Variants in ANTXR2 observed in about 807,000 individuals in gnomAD.
The protein encoded by ANTXR2 is anthrax toxin receptor 2.
In ANTXR2, 44 loss-of-function variants were observed where a neutral mutation model predicts 73.7. The ratio of observed to expected loss-of-function variants is 0.60; its 90% CI spans 0.47 to 0.77. ANTXR2 has a LOEUF of 0.77. Among genes scored for constraint, ANTXR2 ranks in the 30% least tolerant of loss-of-function variants. ANTXR2 has a pLI of 0.00. For synonymous variants in ANTXR2, 217 were observed against 205.9 expected, an observed-to-expected ratio of 1.05 and a Z score of -0.46; for missense variants, 604 against 592.5, an observed-to-expected ratio of 1.02 and a Z score of -0.20.
chr4:80,069,801 G>A (rs1052565403), intron 2 of ANTXR2, among the ~76,000 whole-genome samples: 13 of 152,140 alleles, frequency 8.5e-5, no homozygotes, highest in Non-Finnish European at 1.3e-4. Context: ...AAATTCTTTC[G>A]TAGAAAATTC....
intron 16 of ANTXR2, among the ~76,000 whole-genome samples, chr4:79,962,545 T>C (rs1006574190): frequency 1.3e-5 from 2 of 152,128 alleles, no homozygotes; most frequent in African/African-American, 4.8e-5. Context: ...AGAATCGCCC[T>C]AAAGAAACTA....
chr4:79,989,051 T>C (rs966443274), intron 12 of ANTXR2, among the ~76,000 whole-genome samples: 4 of 151,870 alleles, frequency 2.6e-5, no homozygotes, highest in Non-Finnish European at 5.9e-5. Context: ...GTTAGGAAGA[T>C]CTCAAATTAA....
rs1726856824 is a variant in ANTXR2 at position 79,905,207 on chromosome 4, A to C, written c.*2222T>G. ...TGCTACATAATTCTAGAGAAATTTG[A>C]AGTAGTTACCAAAGAAACATAGCCT... On this transcript the variant is annotated 3_prime_UTR_variant, in exon 17 of 17. Transcript: ENST00000403729. 1 of 152,180 alleles carries C rather than the reference A, an allele frequency of 6.6e-6. No homozygotes were observed. The highest frequency in any genetic ancestry group is 1.5e-5 in the Non-Finnish European group (1 of 68,030). The allele number at this position is 152,180 out of a possible 1,614,324, so 9.4% of individuals were successfully genotyped here. A position where few individuals can be genotyped will look rare whatever the true frequency, so the allele number is the denominator to read the frequency against.
intron 16 of ANTXR2, among the ~76,000 whole-genome samples, chr4:79,929,374 G>A (rs778855192): frequency 2.0e-5 from 3 of 152,042 alleles, no homozygotes; most frequent in Non-Finnish European, 4.4e-5. Flanking sequence ...TTAGCCGGGC[G>A]TGGTGGCAGA....
intron 16 of ANTXR2, among the ~76,000 whole-genome samples, chr4:79,909,034 C>T (rs1727025677): frequency 1.3e-5 from 2 of 152,056 alleles, no homozygotes; most frequent in Admixed American, 1.3e-4. Flanking sequence ...AGTAGTGCTT[C>T]TAAAACACAG....
At chr4:80,071,523 G>C in intron 2 of ANTXR2, 60 bp downstream of exon 2, 4 of 1,433,318 alleles carry the variant, frequency 2.8e-6, no homozygotes, top group Non-Finnish European at 3.9e-6. Context: ...TTCAGAAAAG[G>C]GAAATTCTAC....
At chr4:79,997,891 G>A (rs1730804120) in intron 12 of ANTXR2, among the ~76,000 whole-genome samples, 1 of 151,876 alleles carries the variant, frequency 6.6e-6, no homozygotes, top group Non-Finnish European at 1.5e-5. Context: ...ATGAAAGCAT[G>A]AAAGACCTAA....
rs1729711028 is a variant in ANTXR2 at position 79,977,988 on chromosome 4, A to G, written c.1347+19T>C. 1 of 1,559,728 alleles carries G rather than the reference A, an allele frequency of 6.4e-7. No individual in the cohort carries two copies. Reference sequence around the variant, plus strand: ...CTCCAGAAGTTTTGAGTTAAATTACACAAAATCTGGACACATACCTTAATT... The same window carrying G: ...CTCCAGAAGTTTTGAGTTAAATTACGCAAAATCTGGACACATACCTTAATT... On this transcript the variant is annotated intron_variant, in intron 15 of 16. Coordinates refer to ENST00000403729, the MANE Select transcript of ANTXR2 (RefSeq NM_058172.6).
At chr4:79,973,197 C>T (rs1246740810) in intron 16 of ANTXR2, among the ~76,000 whole-genome samples, 1 of 152,184 alleles carries the variant, frequency 6.6e-6, no homozygotes, top group Non-Finnish European at 1.5e-5. Context: ...CTAATACATA[C>T]TGTAAACTTA....
At chr4:80,003,009 C>G (rs1330924297) in intron 12 of ANTXR2, among the ~76,000 whole-genome samples, 1 of 142,162 alleles carries the variant, frequency 7.0e-6, no homozygotes, top group African/African-American at 2.5e-5. Context: ...GTGGCCATTC[C>G]TCAGGGATCT....
intron 10 of ANTXR2, among the ~76,000 whole-genome samples, chr4:80,021,024 C>T (rs1214155338): frequency 6.6e-6 from 1 of 151,756 alleles, no homozygotes; most frequent in African/African-American, 2.4e-5. Context: ...TGGCACGTGC[C>T]TGTAATCCCA....
At chr4:80,008,079 G>A (rs1434635598) in intron 12 of ANTXR2, among the ~76,000 whole-genome samples, 2 of 151,938 alleles carry the variant, frequency 1.3e-5, no homozygotes, top group East Asian at 1.9e-4. Flanking sequence ...ACTAATTTCC[G>A]AACAAATATT....
intron 6 of ANTXR2, among the ~76,000 whole-genome samples, chr4:80,054,604 GA>G (rs1481390738): frequency 4.3e-5 from 1 of 23,052 alleles, no homozygotes; most frequent in African/African-American, 1.0e-4. Context: ...AAACAGTGCA[GA>G]GGAAATCTAA....
intron 16 of ANTXR2, among the ~76,000 whole-genome samples, chr4:79,919,085 A>T (rs1192919927): frequency 1.3e-5 from 2 of 152,146 alleles, no homozygotes; most frequent in Admixed American, 6.6e-5. Flanking sequence ...AGAAGAAAAA[A>T]ATTGTTAATC....
At chr4:80,045,634 C>T (rs1733486204) in intron 7 of ANTXR2, among the ~76,000 whole-genome samples, 2 of 150,906 alleles carry the variant, frequency 1.3e-5, no homozygotes, top group African/African-American at 4.9e-5. Context: ...AGGATTCATC[C>T]CCAATACAAA....
intron 11 of ANTXR2, among the ~76,000 whole-genome samples, chr4:80,009,800 T>C (rs1731481116): frequency 6.6e-6 from 1 of 150,396 alleles, no homozygotes; most frequent in Admixed American, 6.6e-5. Context: ...TGAGCCGAGA[T>C]TGCACCACTG....
At chr4:80,008,407 C>T (rs1345373450) in intron 12 of ANTXR2, 114 bp downstream of exon 12, 3 of 713,242 alleles carry the variant, frequency 4.2e-6, no homozygotes, top group Non-Finnish European at 6.7e-6. Flanking sequence ...AATTAAAATT[C>T]ATTTTGCAAA....
intron 6 of ANTXR2, 70 bp from the exon 7 acceptor site, chr4:80,054,422 A>G (rs1733898635): frequency 1.8e-6 from 2 of 1,123,960 alleles, no homozygotes; most frequent in East Asian, 2.5e-5. Context: ...ACTTCGTTAC[A>G]TTTCAGTTAT....
chr4:80,023,216 A>C (rs1378084211), intron 10 of ANTXR2, among the ~76,000 whole-genome samples: 1 of 152,202 alleles, frequency 6.6e-6, no homozygotes, highest in African/African-American at 2.4e-5. Context: ...ATATAATGTC[A>C]GGCAGTTTCA....
Sources: gnomAD v4.1 joint callset for allele counts (sites outside exome capture counted in the v4.1 genomes callset) on GRCh38, gnomAD v4.1.1 for gene constraint, MANE v1.5 for transcripts, NCBI Gene and HGNC (gene_info 2026-07-23, HGNC 2026-07-21) for gene names.